EPHA6: variants seen among roughly 807,000 people sequenced by gnomAD.
EPHA6 encodes the protein EPH receptor A6, also known as ephrin type-A receptor 6.
EPHA6 carries 50 observed loss-of-function variants against 112.0 expected under a neutral mutation model. The ratio of observed to expected loss-of-function variants is 0.45; its 90% CI spans 0.36 to 0.56. The LOEUF (loss-of-function observed/expected upper bound fraction) is 0.56. Ranked by LOEUF, EPHA6 falls within the 20% of genes least tolerant of loss-of-function variation. EPHA6 has a pLI of 0.00. For synonymous variants in EPHA6, 529 were observed against 490.7 expected (o/e 1.08, Z -1.03); for missense variants, 1,280 against 1,417.4 (o/e 0.90, Z 1.56).
At chr3:97,469,866 T>C (rs1282265309) in intron 7 of EPHA6, among the ~76,000 whole-genome samples, 1 of 151,676 alleles carries the variant, frequency 6.6e-6, no homozygotes, top group East Asian at 1.9e-4. Context: ...ATGATGAAAC[T>C]AGTCTACTCC....
At chr3:97,209,896 T>A (rs1478236700) in intron 3 of EPHA6, among the ~76,000 whole-genome samples, 2 of 152,198 alleles carry the variant, frequency 1.3e-5, no homozygotes, top group Non-Finnish European at 2.9e-5. Context: ...GATTCAATTC[T>A]AGGTTGAAAG....
At chr3:97,718,022 T>C (rs952309076) in intron 14 of EPHA6, among the ~76,000 whole-genome samples, 4 of 152,192 alleles carry the variant, frequency 2.6e-5, no homozygotes, top group Non-Finnish European at 5.9e-5. Context: ...TCTTACATAT[T>C]GTTTTCTGGA....
intron 11 of EPHA6, among the ~76,000 whole-genome samples, chr3:97,565,077 G>A (rs910833116): frequency 2.6e-5 from 4 of 151,990 alleles, no homozygotes; most frequent in African/African-American, 9.7e-5. Context: ...GATCAGAATC[G>A]AGTCTAGGGA....
chr3:97,612,426 A>G (rs1311995486), intron 13 of EPHA6: 6 of 414,572 alleles, frequency 1.4e-5, no homozygotes, highest in East Asian at 1.4e-4. Flanking sequence ...CAGATATTCA[A>G]TCTAAATTGC....
intron 5 of EPHA6, among the ~76,000 whole-genome samples, chr3:97,387,783 T>C (rs933243095): frequency 2.0e-5 from 3 of 152,158 alleles, no homozygotes; most frequent in African/African-American, 7.2e-5. Context: ...ATTAATCCAT[T>C]CTCACACTCC....
chr3:97,316,656 A>G lies in EPHA6; in HGVS notation c.1606+72369A>G, dbSNP rs532967561. The stretch of plus-strand genomic sequence containing the variant: ...TTTTTAGATTCAGGTTTCTTTACTT[A>G]CATCAGAACTATTGACATTTTTCAG... On this transcript the variant is annotated intron_variant, in intron 5 of 17. Coordinates refer to ENST00000389672, the MANE Select transcript of EPHA6 (RefSeq NM_001080448.3). Among the ~76,000 whole-genome samples the G allele has an allele frequency of 2.0e-5, 3 of 152,068 alleles. No homozygotes were observed. In the East Asian group the frequency reaches 5.8e-4, roughly 29 times the overall value.
intron 6 of EPHA6, among the ~76,000 whole-genome samples, chr3:97,417,030 T>G (rs2088185376): frequency 6.6e-6 from 1 of 152,184 alleles, no homozygotes; most frequent in African/African-American, 2.4e-5. Context: ...TCTCAAAATA[T>G]TAGTTTGGAA....
At chr3:97,510,774 A>G (rs975759745) in intron 10 of EPHA6, among the ~76,000 whole-genome samples, 17 of 152,322 alleles carry the variant, frequency 1.1e-4, no homozygotes, top group African/African-American at 4.1e-4. Context: ...AAGTCTGCTG[A>G]AGCTGCACCC....
At chr3:96,934,374 A>G (rs892438340) in intron 2 of EPHA6, among the ~76,000 whole-genome samples, 16 of 151,614 alleles carry the variant, frequency 1.1e-4, no homozygotes, top group African/African-American at 3.9e-4. Context: ...ATATATTAGC[A>G]CATTTGGTAT....
chr3:97,310,994 A>G (rs1050643645), intron 5 of EPHA6, among the ~76,000 whole-genome samples: 1 of 151,564 alleles, frequency 6.6e-6, no homozygotes, highest in Non-Finnish European at 1.5e-5. Flanking sequence ...TCCCACCTGG[A>G]GACAGCTTGA....
Position 97,398,968 on chromosome 3 carries a change from C to T in EPHA6, c.1607-6182C>T, listed in dbSNP as rs113680244. Among the ~76,000 whole-genome samples the T allele has an allele frequency of 5.5e-3, 836 of 151,496 alleles. 11 individuals are homozygous for T. The highest frequency in any genetic ancestry group is 0.019 in the African/African-American group (806 of 41,450). On this transcript the variant is annotated intron_variant, in intron 5 of 17. Coordinates refer to ENST00000389672, the MANE Select transcript of EPHA6 (RefSeq NM_001080448.3). ...ATTTTTTGTTGGAAACATTCAAAATCCTGTCTTCTAGCTATTTAAAAATAT... is the reference window on the plus strand; with the variant it reads ...ATTTTTTGTTGGAAACATTCAAAATTCTGTCTTCTAGCTATTTAAAAATAT...
intron 2 of EPHA6, among the ~76,000 whole-genome samples, chr3:96,965,477 A>G (rs1217774816): frequency 1.3e-5 from 2 of 152,096 alleles, no homozygotes; most frequent in African/African-American, 4.8e-5. Flanking sequence ...CTTCTGGAAA[A>G]TGTCCTTATA....
At chr3:97,574,115 G>C (rs1307159794) in intron 11 of EPHA6, among the ~76,000 whole-genome samples, 1 of 152,016 alleles carries the variant, frequency 6.6e-6, no homozygotes, top group East Asian at 1.9e-4. Context: ...TCAAAAGAAA[G>C]TTTTTATTTC....
intron 3 of EPHA6, among the ~76,000 whole-genome samples, chr3:97,149,224 A>T (rs2076112363): frequency 6.6e-6 from 1 of 152,132 alleles, no homozygotes. Flanking sequence ...TCATGCAGAT[A>T]CCTAGAGGAC....
At chr3:96,829,949 G>GCGCGCGCACACACA (rs373416797) in intron 1 of EPHA6, among the ~76,000 whole-genome samples, 5 of 136,034 alleles carry the variant, frequency 3.7e-5, no homozygotes, top group African/African-American at 1.5e-4. Context: ...GCGCGCGCGC[G>GCGCGCGCACACACA]CACACACACA....
intron 3 of EPHA6, among the ~76,000 whole-genome samples, chr3:97,203,405 A>AT: frequency 6.6e-6 from 1 of 152,224 alleles, no homozygotes; most frequent in African/African-American, 2.4e-5. Flanking sequence ...AGGAGACCAC[A>AT]TAAGACTTTT....
At chr3:97,031,434 A>G (rs955168298) in intron 3 of EPHA6, among the ~76,000 whole-genome samples, 5 of 152,178 alleles carry the variant, frequency 3.3e-5, no homozygotes, top group Non-Finnish European at 5.9e-5. Flanking sequence ...ACAAAAGCCA[A>G]AATTGACAAA....
intron 3 of EPHA6, among the ~76,000 whole-genome samples, chr3:97,182,484 C>A (rs1020310468): frequency 6.6e-6 from 1 of 151,700 alleles, no homozygotes; most frequent in African/African-American, 2.4e-5. Context: ...AGATTGGTTC[C>A]TTGCAATTGA....
chr3:97,062,093 A>G (rs559115495), intron 3 of EPHA6, among the ~76,000 whole-genome samples: 1 of 152,330 alleles, frequency 6.6e-6, no homozygotes, highest in Non-Finnish European at 1.5e-5. Context: ...TAACACAATC[A>G]TACAAGTGTA....
Sources: gnomAD v4.1 joint callset for allele counts (sites outside exome capture counted in the v4.1 genomes callset) on GRCh38, gnomAD v4.1.1 for gene constraint, MANE v1.5 for transcripts, NCBI Gene and HGNC (gene_info 2026-07-23, HGNC 2026-07-21) for gene names.